SORCS2: variants seen among roughly 807,000 people sequenced by gnomAD.
SORCS2 encodes the protein sortilin related VPS10 domain containing receptor 2.
A neutral mutation model predicts 141.6 loss-of-function variants in SORCS2; 100 were observed. The ratio of observed to expected loss-of-function variants is 0.71; its 90% CI spans 0.60 to 0.83. SORCS2 has a LOEUF of 0.83. Ranked by LOEUF, SORCS2 falls within the 40% of genes least tolerant of loss-of-function variation. The pLI is 0.00. For synonymous variants in SORCS2, 789 were observed against 676.9 expected, an observed-to-expected ratio of 1.17 and a Z score of -2.57; for missense variants, 1,646 against 1,560.2, an observed-to-expected ratio of 1.05 and a Z score of -0.93.
chr4:7,543,764 C>T (rs1369415006), intron 3 of SORCS2, among the ~76,000 whole-genome samples: 7 of 118,450 alleles, frequency 5.9e-5, no homozygotes, highest in African/African-American at 2.1e-4. Flanking sequence ...ATCCACCCAC[C>T]CATCCGTCCA....
At chr4:7,285,387 A>G (rs1716146174) in intron 1 of SORCS2, among the ~76,000 whole-genome samples, 1 of 152,216 alleles carries the variant, frequency 6.6e-6, no homozygotes, top group African/African-American at 2.4e-5. Flanking sequence ...CTGCTTCTAG[A>G]TAAGGCCACA....
At chr4:7,263,173 G>A (rs1421386374) in intron 1 of SORCS2, among the ~76,000 whole-genome samples, 1 of 152,202 alleles carries the variant, frequency 6.6e-6, no homozygotes, top group East Asian at 1.9e-4. Flanking sequence ...TGCAGGTGTG[G>A]GAAGTAACCA....
At chr4:7,621,818 C>G (rs1719214261) in intron 3 of SORCS2, among the ~76,000 whole-genome samples, 1 of 152,218 alleles carries the variant, frequency 6.6e-6, no homozygotes, top group Non-Finnish European at 1.5e-5. Flanking sequence ...GGGTAAGATG[C>G]TCACCTCTCT....
chr4:7,724,907 GTAT>G (rs1727072919), intron 19 of SORCS2, among the ~76,000 whole-genome samples: 4 of 55,992 alleles, frequency 7.1e-5, no homozygotes, highest in African/African-American at 2.7e-4. Context: ...GGTGGTGATA[GTAT>G]TGGTGGGAAT....
At chr4:7,668,921 G>A (rs372719222) in intron 8 of SORCS2, among the ~76,000 whole-genome samples, 18 of 152,188 alleles carry the variant, frequency 1.2e-4, no homozygotes, top group African/African-American at 4.3e-4. Context: ...CTCCCCTCTA[G>A]CATTGGAGGC....
intron 2 of SORCS2, among the ~76,000 whole-genome samples, chr4:7,501,949 G>C (rs996638716): frequency 2.0e-5 from 3 of 152,246 alleles, no homozygotes; most frequent in African/African-American, 7.2e-5. Context: ...TGGAGCTCCT[G>C]ATCTGCAGAC....
chr4:7,499,836 G>A (rs1007364081), intron 2 of SORCS2, among the ~76,000 whole-genome samples: 10 of 152,198 alleles, frequency 6.6e-5, no homozygotes, highest in Admixed American at 5.2e-4. Flanking sequence ...ATCGGGGACC[G>A]AGCCGGCACA....
In SORCS2 at chr4:7,413,391, C is replaced by CTTTTTTTT. The variant is rs34379092; in HGVS notation, c.548+17049_548+17056dup. Among the ~76,000 whole-genome samples the CTTTTTTTT allele has an allele frequency of 4.4e-4, 37 of 84,820 alleles. 5 individuals carry two copies. Among genetic ancestry groups the CTTTTTTTT allele is most frequent in the South Asian group, 6.7e-4 (1 of 1,486 alleles). The allele number at this position is 84,820 out of a possible 152,430, so 55.6% of individuals were successfully genotyped here. The stretch of plus-strand genomic sequence containing the variant: ...ATGATCCTCCGTATTTTCACAGCTG[C>CTTTTTTTT]TTTTTTTTTTTTTTTTTTTTGAGAT... On this transcript the variant is annotated intron_variant, in intron 2 of 26. Coordinates refer to ENST00000507866, the MANE Select transcript of SORCS2 (RefSeq NM_020777.3).
intron 3 of SORCS2, among the ~76,000 whole-genome samples, chr4:7,598,184 G>A (rs1164258695): frequency 6.6e-6 from 1 of 152,048 alleles, no homozygotes; most frequent in East Asian, 1.9e-4. Flanking sequence ...GGCCAGGCTG[G>A]TCTTGAACTC....
chr4:7,548,678 G>A (rs773314331), intron 3 of SORCS2, among the ~76,000 whole-genome samples: 7 of 152,046 alleles, frequency 4.6e-5, no homozygotes, highest in Non-Finnish European at 1.0e-4. Flanking sequence ...GTGGGTGTGA[G>A]GCAAGGGCCA....
At chr4:7,693,475 C>T (rs1724388175) in intron 11 of SORCS2, among the ~76,000 whole-genome samples, 1 of 152,222 alleles carries the variant, frequency 6.6e-6, no homozygotes, top group Non-Finnish European at 1.5e-5. Context: ...TGCCAACCCC[C>T]ACCTGCTCCT....
At chr4:7,555,065 A>T (rs897703355) in intron 3 of SORCS2, among the ~76,000 whole-genome samples, 2 of 152,162 alleles carry the variant, frequency 1.3e-5, no homozygotes, top group African/African-American at 2.4e-5. Context: ...ACTGTCCACA[A>T]GGTGTCCTTG....
chr4:7,546,150 A>G (rs1347431174), intron 3 of SORCS2, among the ~76,000 whole-genome samples: 2 of 152,114 alleles, frequency 1.3e-5, no homozygotes, highest in South Asian at 4.1e-4. Context: ...GAGGAATACA[A>G]CATTCAGTCC....
Position 7,740,427 on chromosome 4 carries a change from CAGGCCCACGGG to C in SORCS2, c.*164_*174del. On this transcript the variant is annotated 3_prime_UTR_variant, in exon 27 of 27. Transcript: ENST00000507866. ...CCCCTCTGATAAATCCAAGCCCGCC[CAGGCCCACGGG>C]GGGCCCACGGGACCCCCCGGGACTC... The C allele has an allele frequency of 1.5e-6, 1 of 657,684 alleles. No homozygotes were observed. Among genetic ancestry groups the C allele is most frequent in the Non-Finnish European group, 2.6e-6 (1 of 379,768 alleles). The allele number at this position is 657,684 out of a possible 1,614,324, so 40.7% of individuals were successfully genotyped here. A position where few individuals can be genotyped will look rare whatever the true frequency, so the allele number is the denominator to read the frequency against.
chr4:7,521,642 G>A (rs1431166425), intron 2 of SORCS2, among the ~76,000 whole-genome samples: 2 of 152,172 alleles, frequency 1.3e-5, no homozygotes, highest in South Asian at 4.1e-4. Context: ...GAACGTGACC[G>A]AAGCTCAGAA....
At chr4:7,296,339 G>A (rs763443378) in intron 1 of SORCS2, among the ~76,000 whole-genome samples, 2 of 152,210 alleles carry the variant, frequency 1.3e-5, no homozygotes, top group African/African-American at 2.4e-5. Flanking sequence ...TCGTGTTAGC[G>A]GGCAGGCTCA....
intron 18 of SORCS2, among the ~76,000 whole-genome samples, chr4:7,719,486 C>G (rs1439098281): frequency 1.3e-5 from 2 of 152,178 alleles, no homozygotes; most frequent in Non-Finnish European, 2.9e-5. Context: ...GGGTCCCTGG[C>G]CCCTAGACTC....
intron 9 of SORCS2, among the ~76,000 whole-genome samples, chr4:7,678,742 C>T (rs1343761681): frequency 2.0e-5 from 3 of 150,260 alleles, no homozygotes; most frequent in African/African-American, 7.4e-5. Flanking sequence ...AAGGGATGTC[C>T]CTTCTCTGAA....
chr4:7,684,853 A>C (rs966324883), intron 10 of SORCS2, among the ~76,000 whole-genome samples: 1 of 152,040 alleles, frequency 6.6e-6, no homozygotes, highest in Admixed American at 6.5e-5. Context: ...TGGCCCATGG[A>C]GGCCGTGGTA....
Sources: allele counts gnomAD v4.1 joint callset (sites outside exome capture counted in the v4.1 genomes callset), GRCh38; gene constraint gnomAD v4.1.1; transcripts MANE v1.5; gene names NCBI Gene and HGNC (gene_info 2026-07-23, HGNC 2026-07-21).